The following ULK2 variants were observed in gnomAD, a reference collection of about 807,000 sequenced individuals.
The protein encoded by ULK2 is unc-51 like autophagy activating kinase 2, also known as serine/threonine-protein kinase ULK2.
In ULK2, 76 loss-of-function variants were observed where a neutral mutation model predicts 127.5. The ratio of observed to expected loss-of-function variants is 0.60; its 90% confidence interval spans 0.50 to 0.72. ULK2 has a LOEUF of 0.72. Ranked by LOEUF, ULK2 falls within the 30% of genes least tolerant of loss-of-function variation. The probability of loss-of-function intolerance (pLI) is 0.00; values close to 1 mark genes in which losing one functional copy is unlikely to be tolerated. For synonymous variants in ULK2, 452 were observed against 461.9 expected, an observed-to-expected ratio of 0.98 and a Z score of 0.28; for missense variants, 1,144 against 1,295.9, an observed-to-expected ratio of 0.88 and a Z score of 1.80.
intron 18 of ULK2, among the ~76,000 whole-genome samples, chr17:19,796,822 G>C (rs1215663598): frequency 6.6e-6 from 1 of 152,168 alleles, no homozygotes; most frequent in Admixed American, 6.5e-5. Flanking sequence ...TATAGACTCT[G>C]GAGTCAGTCA....
intron 3 of ULK2, among the ~76,000 whole-genome samples, chr17:19,861,339 G>A (rs944700531): frequency 1.3e-5 from 2 of 152,196 alleles, no homozygotes; most frequent in Non-Finnish European, 2.9e-5. Flanking sequence ...GAGGTCAGGA[G>A]ATCGAGACCA....
intron 3 of ULK2, among the ~76,000 whole-genome samples, chr17:19,861,770 T>A (rs1026916033): frequency 6.6e-6 from 1 of 152,228 alleles, no homozygotes; most frequent in Admixed American, 6.5e-5. Context: ...AACTAGGGAC[T>A]GAGAGATGAG....
chr17:19,782,044 G>C lies in ULK2; in HGVS notation c.2484C>G (p.Arg828=). 6.2e-7 allele frequency: 1 copy of C among 1,613,874 alleles called. No homozygotes were observed. The highest frequency in any genetic ancestry group is 8.5e-7 in the Non-Finnish European group (1 of 1,179,966). The change falls in exon 23 of 27, where the codon CGC becomes CGG. Residue 828 remains arginine, a synonymous_variant. Coordinates refer to ENST00000395544, the MANE Select transcript of ULK2 (RefSeq NM_014683.4). ...TGAACATCAGCATCACATTCAGATG[G>C]CGTAAGGTGTCTGTGTGTTCCCGCT... The part of the protein sequence containing the change: ...LMEREHTDTL[R]HLNVMLMFTE...
Position 19,783,905 on chromosome 17 carries a change from A to C in ULK2, c.2252T>G (p.Val751Gly), listed in dbSNP as rs1158265405. The C allele has an allele frequency of 2.4e-5, 36 of 1,502,906 alleles. No individual in the cohort carries two copies. The highest frequency in any genetic ancestry group is 3.2e-5 in the Non-Finnish European group (36 of 1,124,688). 93.1% of individuals were successfully genotyped at this position (1,502,906 alleles called of 1,614,324 possible). The part of the protein sequence containing the change: ...HMFLRTRTTS[V>G]GPSNSGGSLC... The stretch of plus-strand genomic sequence containing the variant: ...AGAGCCCCCGGAGTTGCTGGGCCCC[A>C]CTACAAGGAAACAGAGGATACATGG... Residue 751 changes from valine (V) to glycine (G), a missense_variant and splice_region_variant, in exon 22 of 27, where the codon GTG becomes GGG. By Grantham distance (109) the Val-to-Gly change is moderately radical. Transcript: ENST00000395544.
chr17:19,826,151 G>T lies in ULK2; in HGVS notation c.823C>A (p.Pro275Thr). ...FFSHPFLEQGPVKKSCPVPVP... is the reference protein window; with the variant it reads ...FFSHPFLEQGTVKKSCPVPVP... ...AATGGATACTCACATTTTTTTACTG[G>T]ACCTTGCTCAAGAAAAGGATGGCTA... Residue 275 changes from proline (P) to threonine (T), a missense_variant, in exon 11 of 27, where the codon CCA becomes ACA. Transcript: ENST00000395544. 1 of 1,463,110 alleles carries T rather than the reference G, an allele frequency of 6.8e-7. No homozygotes were observed. The highest frequency in any genetic ancestry group is 1.6e-5 in the South Asian group (1 of 63,350). 90.6% of individuals were successfully genotyped at this position (1,463,110 alleles called of 1,614,324 possible). A position where few individuals can be genotyped will look rare whatever the true frequency, so the allele number is the denominator to read the frequency against.
rs1328738102 is a variant in ULK2, at chr17:19,813,083, C to T, written c.1097-2645G>A. ...GACTATTGAGAACTCCATACTTCTT[C>T]CCCCATTTTGCTACTCCAGATAATA... On this transcript the variant is annotated intron_variant, in intron 13 of 26. Coordinates refer to ENST00000395544, the MANE Select transcript of ULK2 (RefSeq NM_014683.4). Among the ~76,000 whole-genome samples, 3 of 149,914 alleles carry T rather than the reference C, an allele frequency of 2.0e-5. No homozygotes were observed. In the East Asian group the frequency reaches 5.8e-4, roughly 29 times the overall value.
intron 14 of ULK2, among the ~76,000 whole-genome samples, 169 bp downstream of exon 14, chr17:19,810,209 G>A (rs1176299791): frequency 7.7e-6 from 1 of 130,628 alleles, no homozygotes; most frequent in Non-Finnish European, 1.5e-5. Flanking sequence ...TAGTCTGGGT[G>A]ACAGAGCCAG....
intron 10 of ULK2, among the ~76,000 whole-genome samples, chr17:19,837,673 T>A (rs1014468983): frequency 1.3e-5 from 2 of 152,174 alleles, no homozygotes; most frequent in Admixed American, 6.5e-5. Context: ...CTTGGAGTCA[T>A]CCTTGAGTCT....
chr17:19,865,783 A>T lies in ULK2; in HGVS notation c.136T>A (p.Leu46Met), dbSNP rs775329555. The change falls in exon 2 of 27, where the codon TTG becomes ATG. Residue 46 changes from leucine to methionine, a missense_variant. Leu to Met is a conservative substitution (Grantham distance 15, BLOSUM62 2). Transcript: ENST00000395544. Reference protein sequence around the residue: ...VAIKSINKKNLSKSQILLGKE... With the variant: ...VAIKSINKKNMSKSQILLGKE... ...CCAAGCAGTATTTGTGATTTTGACA[A>T]GTTCTTTTTATTAATACTTTTAATA... 5.9e-5 allele frequency: 93 copies of T among 1,565,586 alleles called. No individual in the cohort carries two copies. The Admixed American group carries it at 1.6e-3, about 28-fold the overall frequency.
chr17:19,786,079 T>C lies in ULK2; in HGVS notation c.2109A>G (p.Ala703=), dbSNP rs762275755. Residue 703 remains alanine, a synonymous_variant, in exon 21 of 27, where the codon GCA becomes GCG. Transcript: ENST00000395544. ...GTGCCAGAACACCACCACAGGCTCC[T>C]GCCGGAGCTACAACAAAAAGTTTAT... ...NTERPMDIAP[A]GACGGVLAPP... is the part of the protein sequence containing the mutation. 2.6e-6 allele frequency: 4 copies of C among 1,560,500 alleles called. No homozygotes were observed. The highest frequency in any genetic ancestry group is 2.4e-5 in the South Asian group (2 of 82,356).
At chr17:19,817,049 C>CA (rs998580207) in intron 12 of ULK2, 129 bp from the exon 13 acceptor site, 13 of 720,830 alleles carry the variant, frequency 1.8e-5, no homozygotes, top group African/African-American at 1.7e-4. Flanking sequence ...TCTAAGGTTT[C>CA]AAAAAAATCT....
intron 3 of ULK2, among the ~76,000 whole-genome samples, chr17:19,851,368 T>C (rs533423188): frequency 5.5e-4 from 76 of 138,456 alleles, no homozygotes; most frequent in Admixed American, 1.4e-3. Context: ...CTGGGCACAG[T>C]GGCTCACACC....
chr17:19,841,561 AAAG>A lies in ULK2; in HGVS notation c.646-17_646-15del. 6.4e-7 allele frequency: 1 copy of A among 1,566,664 alleles called. No homozygotes were observed. The highest frequency in any genetic ancestry group is 8.6e-7 in the Non-Finnish European group (1 of 1,166,914). ...AGGACTATTGGCCTATTAAAAAAAA[AAAG>A]GTTTAATTTCCTAAACAATGGGGGC... On this transcript the variant is annotated splice_polypyrimidine_tract_variant and intron_variant, in intron 8 of 26. Transcript: ENST00000395544.
intron 13 of ULK2, among the ~76,000 whole-genome samples, chr17:19,814,439 T>TATATATATACACACATATATATA (rs1491246393): frequency 2.0e-4 from 2 of 10,002 alleles, no homozygotes; most frequent in African/African-American, 4.2e-4. Flanking sequence ...TATATATATA[T>TATATATATACACACATATATATA]TTTTTTTTTT....
chr17:19,825,246 G>C, intron 11 of ULK2, 64 bp from the exon 12 acceptor site: 1 of 1,428,220 alleles, frequency 7.0e-7, no homozygotes, highest in Non-Finnish European at 9.7e-7. Context: ...CTGTATAACA[G>C]AAACACTTGC....
Position 19,785,959 on chromosome 17 carries a change from G to T in ULK2, c.2229C>A (p.Phe743Leu). 6.3e-7 allele frequency: 1 copy of T among 1,593,856 alleles called. No homozygotes were observed. Among genetic ancestry groups the T allele is most frequent in the Non-Finnish European group, 8.5e-7 (1 of 1,171,884 alleles). The change falls in exon 21 of 27, where the codon TTC becomes TTA. Residue 743 changes from phenylalanine to leucine, a missense_variant. Physicochemically the swap from Phe to Leu is conservative, Grantham distance 22. Around this residue, in one of 2 missense-constraint regions of ULK2, gnomAD observed 913 missense variants for 970.5 expected, o/e 0.94. Coordinates refer to ENST00000395544, the MANE Select transcript of ULK2 (RefSeq NM_014683.4). ...SAAAPTCTHM[F>L]LRTRTTSVGP... ...TACCTGAGGTTGTTCTTGTTCGAAG[G>T]AACATGTGGGTACAAGTGGGGGCTG...
Position 19,797,561 on chromosome 17 carries a change from G to A in ULK2, c.1644C>T (p.Asp548=). Reference sequence around the variant, plus strand: ...CCCCAGTATGGGATGGGCACACGGGGTCAGAGTGCTGTTTTCTGAGCTTCT... The same window carrying A: ...CCCCAGTATGGGATGGGCACACGGGATCAGAGTGCTGTTTTCTGAGCTTCT... ...NKQKLRKQHS[D]PVCPSHTGAG... is the part of the protein sequence containing the mutation. The change falls in exon 18 of 27, where the codon GAC becomes GAT. Residue 548 remains aspartate, a synonymous_variant. Coordinates refer to ENST00000395544, the MANE Select transcript of ULK2 (RefSeq NM_014683.4). 1 of 1,613,874 alleles carries A rather than the reference G, an allele frequency of 6.2e-7. No homozygotes were observed. Among genetic ancestry groups the A allele is most frequent in the Non-Finnish European group, 8.5e-7 (1 of 1,179,994 alleles).
At chr17:19,847,604 C>T (rs1053088908) in intron 5 of ULK2, among the ~76,000 whole-genome samples, 3 of 152,126 alleles carry the variant, frequency 2.0e-5, no homozygotes, top group African/African-American at 2.4e-5. Context: ...GGCTGGAGTG[C>T]AGTGGCACAA....
chr17:19,784,619 G>A (rs565874799), intron 21 of ULK2, among the ~76,000 whole-genome samples: 2 of 140,412 alleles, frequency 1.4e-5, no homozygotes, highest in Admixed American at 8.1e-5. Context: ...GATTTTCTGG[G>A]CTCAGGTAAT....
Sources: gnomAD v4.1 joint callset for allele counts (sites outside exome capture counted in the v4.1 genomes callset) on GRCh38, gnomAD v4.1.1 for gene constraint, gnomAD v4.1.1 regional missense constraint, MANE v1.5 for transcripts, NCBI Gene and HGNC (gene_info 2026-07-23, HGNC 2026-07-21) for gene names.